DOCK1: variants seen among roughly 807,000 people sequenced by gnomAD.
The protein encoded by DOCK1 is dedicator of cytokinesis 1, also known as dedicator of cytokinesis protein 1.
DOCK1 carries 138 observed loss-of-function variants against 262.7 expected under a neutral mutation model. The observed-to-expected ratio is 0.53, with a 90% confidence interval of 0.46 to 0.61. The LOEUF (loss-of-function observed/expected upper bound fraction) is 0.61. DOCK1 is among the 20% of genes least tolerant of loss of function. The pLI is 0.00. For missense variants in DOCK1, 1,908 were observed against 2,370.7 expected, an observed-to-expected ratio of 0.80 and a Z score of 4.05; for synonymous variants, 866 against 867.4, an observed-to-expected ratio of 1.00 and a Z score of 0.03.
chr10:127,408,544 G>A (rs1401197101), intron 40 of DOCK1, among the ~76,000 whole-genome samples: 3 of 152,226 alleles, frequency 2.0e-5, no homozygotes, highest in Admixed American at 1.3e-4. Flanking sequence ...GCCGTGTGCA[G>A]GTGCTGGGGC....
Position 126,985,183 on chromosome 10 carries a change from G to A in DOCK1, c.228-2338G>A, listed in dbSNP as rs537395237. 3.3e-5 allele frequency among the ~76,000 whole-genome samples: 5 copies of A among 152,008 alleles called. No individual in the cohort carries two copies. The South Asian group carries it at 8.3e-4, about 25-fold the overall frequency. On this transcript the variant is annotated intron_variant, in intron 4 of 51. Transcript: ENST00000623213. Reference sequence around the variant, plus strand: ...TTTAGTAGAGACAGGGTTTCACCACGTTGGCCAAGCTGGCTTTGAACCCCT... The same window carrying A: ...TTTAGTAGAGACAGGGTTTCACCACATTGGCCAAGCTGGCTTTGAACCCCT...
At chr10:127,359,885 GAT>G (rs2064328085) in intron 32 of DOCK1, among the ~76,000 whole-genome samples, 1 of 152,184 alleles carries the variant, frequency 6.6e-6, no homozygotes, top group Admixed American at 6.6e-5. Context: ...ATATTAATAA[GAT>G]TGGTTAATTC....
chr10:127,338,887 G>T, intron 29 of DOCK1, 119 bp from the exon 30 acceptor site: 2 of 807,278 alleles, frequency 2.5e-6, no homozygotes, highest in Non-Finnish European at 3.8e-6. Context: ...ACAGCTTTGC[G>T]CAAGACTTGG....
At chr10:126,909,792 C>T (rs76346022) in intron 1 of DOCK1, among the ~76,000 whole-genome samples, 7 of 152,200 alleles carry the variant, frequency 4.6e-5, no homozygotes, top group Admixed American at 2.0e-4. Context: ...AAGTACTCAA[C>T]GAAGCGTTGC....
intron 30 of DOCK1, among the ~76,000 whole-genome samples, chr10:127,342,909 C>T (rs1279134452): frequency 1.3e-5 from 2 of 152,130 alleles, no homozygotes; most frequent in Non-Finnish European, 2.9e-5. Flanking sequence ...TTATGGAAAT[C>T]TATACTATTC....
At chr10:127,252,905 C>T (rs1454895973) in intron 28 of DOCK1, among the ~76,000 whole-genome samples, 1 of 152,090 alleles carries the variant, frequency 6.6e-6, no homozygotes, top group East Asian at 1.9e-4. Flanking sequence ...AGACTATTTC[C>T]TTTTAACAAG....
intron 27 of DOCK1, among the ~76,000 whole-genome samples, chr10:127,169,559 C>A (rs1045510594): frequency 9.2e-5 from 14 of 152,248 alleles, no homozygotes; most frequent in African/African-American, 3.1e-4. Flanking sequence ...CTGGCTACCA[C>A]CTGTTTTTGT....
At chr10:127,029,762 A>G (rs1308544841) in intron 16 of DOCK1, among the ~76,000 whole-genome samples, 1 of 152,170 alleles carries the variant, frequency 6.6e-6, no homozygotes, top group African/African-American at 2.4e-5. Flanking sequence ...TAAAAGGTGC[A>G]CTTACTGTAC....
chr10:127,338,325 C>T (rs952309783), intron 29 of DOCK1, among the ~76,000 whole-genome samples: 22 of 152,088 alleles, frequency 1.4e-4, no homozygotes, highest in African/African-American at 5.3e-4. Context: ...CACGTGTGAT[C>T]GCCCAAATTG....
At chr10:127,195,831 C>A (rs1589888512) in intron 27 of DOCK1, among the ~76,000 whole-genome samples, 1 of 152,174 alleles carries the variant, frequency 6.6e-6, no homozygotes, top group South Asian at 2.1e-4. Context: ...CCCGGCTGCA[C>A]CGGGGTGTCC....
In DOCK1 at chr10:127,076,284, A is replaced by G. The variant is rs896453879; in HGVS notation, c.2445+14508A>G. Among the ~76,000 whole-genome samples, 40 of 152,164 alleles carry G rather than the reference A, an allele frequency of 2.6e-4. 1 individual carries two copies. Among genetic ancestry groups the G allele is most frequent in the East Asian group, 5.8e-4 (3 of 5,168 alleles). The stretch of plus-strand genomic sequence containing the variant: ...TGGGAGGCCGAGGTGGGCGGATCAC[A>G]AGGTCAGTAGATCAAGACCATCCTG... On this transcript the variant is annotated intron_variant, in intron 23 of 51. Coordinates refer to ENST00000623213, the MANE Select transcript of DOCK1 (RefSeq NM_001290223.2).
chr10:127,249,818 A>T (rs2059564247), intron 28 of DOCK1, among the ~76,000 whole-genome samples: 1 of 152,192 alleles, frequency 6.6e-6, no homozygotes, highest in South Asian at 2.1e-4. Context: ...ATGGATCTAG[A>T]CCTTAAAGCT....
intron 1 of DOCK1, among the ~76,000 whole-genome samples, chr10:126,966,043 A>G (rs1257346536): frequency 2.6e-5 from 4 of 152,064 alleles, no homozygotes; most frequent in African/African-American, 9.7e-5. Flanking sequence ...CTTAGGCTCT[A>G]GTATCCTCTG....
At chr10:127,164,757 A>G (rs1406562960) in intron 27 of DOCK1, among the ~76,000 whole-genome samples, 1 of 152,208 alleles carries the variant, frequency 6.6e-6, no homozygotes, top group Non-Finnish European at 1.5e-5. Flanking sequence ...AAAGCTAGTA[A>G]TTATTATTTT....
At chr10:127,128,603 A>G (rs757867179) in intron 27 of DOCK1, among the ~76,000 whole-genome samples, 1 of 151,952 alleles carries the variant, frequency 6.6e-6, no homozygotes, top group Non-Finnish European at 1.5e-5. Flanking sequence ...ATGTATTCTC[A>G]TTGTTCACCT....
intron 21 of DOCK1, among the ~76,000 whole-genome samples, chr10:127,050,571 C>T (rs1275991208): frequency 7.2e-5 from 11 of 151,834 alleles, no homozygotes; most frequent in South Asian, 4.2e-4. Context: ...CTTAGCTGGG[C>T]GTGGTGGTGT....
chr10:127,334,467 G>A (rs1352214533), intron 29 of DOCK1, among the ~76,000 whole-genome samples: 1 of 152,114 alleles, frequency 6.6e-6, no homozygotes, highest in East Asian at 1.9e-4. Flanking sequence ...ATTTTTTTAA[G>A]TGGATAATGT....
intron 22 of DOCK1, among the ~76,000 whole-genome samples, chr10:127,053,264 C>T (rs1163739617): frequency 6.6e-6 from 1 of 152,214 alleles, no homozygotes; most frequent in Non-Finnish European, 1.5e-5. Flanking sequence ...AGGGCGTGAA[C>T]CCGGGAGGCG....
intron 22 of DOCK1, among the ~76,000 whole-genome samples, chr10:127,054,793 T>C (rs956302019): frequency 1.6e-4 from 25 of 152,356 alleles, no homozygotes; most frequent in African/African-American, 5.8e-4. Flanking sequence ...CAATATGACA[T>C]TGACTCAGGC....
Sources: gnomAD v4.1 joint callset for allele counts (sites outside exome capture counted in the v4.1 genomes callset) on GRCh38, gnomAD v4.1.1 for gene constraint, MANE v1.5 for transcripts, NCBI Gene and HGNC (gene_info 2026-07-23, HGNC 2026-07-21) for gene names.